Variants in AAMDC observed in about 807,000 individuals in gnomAD.
AAMDC encodes mth938 domain-containing protein.
A neutral mutation model predicts 15.5 loss-of-function variants in AAMDC; 16 were observed. The ratio of observed to expected loss-of-function variants is 1.03; its 90% CI spans 0.70 to 1.57. The LOEUF (loss-of-function observed/expected upper bound fraction) is 1.57, where lower values mean the gene tolerates loss of function less well. Among genes scored for constraint, AAMDC ranks in the 40% most tolerant of loss-of-function variants. AAMDC has a pLI of 0.00. For synonymous variants in AAMDC, 51 were observed against 51.6 expected, an observed-to-expected ratio of 0.99 and a Z score of 0.05; for missense variants, 141 against 144.9, an observed-to-expected ratio of 0.97 and a Z score of 0.14.
chr11:77,844,159 G>C (rs1275876348), intron 2 of AAMDC, among the ~76,000 whole-genome samples: 1 of 152,162 alleles, frequency 6.6e-6, no homozygotes, highest in Non-Finnish European at 1.5e-5. Context: ...TCCTTACATA[G>C]TGGAAAGAGA....
At chr11:77,851,786 G>T (rs2136194476) in intron 2 of AAMDC, among the ~76,000 whole-genome samples, 1 of 152,214 alleles carries the variant, frequency 6.6e-6, no homozygotes, top group African/African-American at 2.4e-5. Context: ...GCAGATGCTG[G>T]TATCATGCTT....
chr11:77,855,771 G>A (rs1260696388), intron 2 of AAMDC, among the ~76,000 whole-genome samples: 1 of 138,842 alleles, frequency 7.2e-6, no homozygotes, highest in East Asian at 2.2e-4. Context: ...GCTAGAGGCA[G>A]CCAGACCATG....
rs200042303 is a variant in AAMDC, at chr11:77,842,596, C to T, written c.100C>T (p.Arg34Trp). 3.5e-5 allele frequency: 56 copies of T among 1,613,700 alleles called. No individual in the cohort carries two copies. Among genetic ancestry groups the T allele is most frequent in the Admixed American group, 1.7e-4 (10 of 59,944 alleles). Residue 34 changes from arginine (R) to tryptophan (W), a missense_variant, in exon 2 of 4, where the codon CGG (arginine) becomes TGG (tryptophan). Physicochemically the swap from Arg to Trp is moderately radical, Grantham distance 101 (BLOSUM62 -3). Coordinates refer to ENST00000393427, the MANE Select transcript of AAMDC (RefSeq NM_024684.4). Reference sequence around the variant, plus strand: ...CTGCAAAGTATGGCCAGGGGGTAGTCGGACTTGGGATTGGAGAGAAACAGG... The same window carrying T: ...CTGCAAAGTATGGCCAGGGGGTAGTTGGACTTGGGATTGGAGAGAAACAGG... The part of the protein sequence containing the change: ...KDCKVWPGGS[R>W]TWDWRETGTE...
At chr11:77,826,488 A>T (rs986963061) in intron 1 of AAMDC, among the ~76,000 whole-genome samples, 1 of 152,204 alleles carries the variant, frequency 6.6e-6, no homozygotes, top group Admixed American at 6.5e-5. Context: ...TTGACATCCT[A>T]TACAGCAAGG....
At chr11:77,832,189 G>A (rs948855631) in intron 1 of AAMDC, among the ~76,000 whole-genome samples, 35 of 152,058 alleles carry the variant, frequency 2.3e-4, no homozygotes, top group African/African-American at 8.0e-4. Context: ...ATAGTTAACT[G>A]TACTTACAAT....
At chr11:77,839,760 G>A (rs1246159649) in intron 1 of AAMDC, among the ~76,000 whole-genome samples, 1 of 152,054 alleles carries the variant, frequency 6.6e-6, no homozygotes, top group East Asian at 1.9e-4. Context: ...ATAAGTGGGT[G>A]CTGAACAATG....
chr11:77,872,280 G>A lies in AAMDC; in HGVS notation c.334G>A (p.Val112Ile). ...KEYNALVAQG[V>I]RVGGVFHSTC ...GTATAATGCCTTGGTTGCCCAAGGGGTCAGGGTGGGAGGTGTCTTCCATTC... is the reference window on the plus strand; with the variant it reads ...GTATAATGCCTTGGTTGCCCAAGGGATCAGGGTGGGAGGTGTCTTCCATTC... Residue 112 changes from valine to isoleucine, a missense_variant, in exon 4 of 4, where the codon GTC (valine) becomes ATC (isoleucine). By Grantham distance (29) the Val-to-Ile change is conservative (BLOSUM62 3). Coordinates refer to ENST00000393427, the MANE Select transcript of AAMDC (RefSeq NM_024684.4). 2 of 1,613,604 alleles carry A rather than the reference G, an allele frequency of 1.2e-6. No individual in the cohort carries two copies. The highest frequency in any genetic ancestry group is 4.5e-5 in the East Asian group (2 of 44,828).
chr11:77,889,808 G>A (rs2136386753), intron 5 of AAMDC, among the ~76,000 whole-genome samples: 1 of 152,278 alleles, frequency 6.6e-6, no homozygotes. Context: ...CTACCTATAA[G>A]GTATCTAAAA....
chr11:77,880,176 T>C (rs1356819543), intron 5 of AAMDC, among the ~76,000 whole-genome samples: 1 of 152,112 alleles, frequency 6.6e-6, no homozygotes, highest in African/African-American at 2.4e-5. Flanking sequence ...TTGAAGATGA[T>C]CCCAAGGCTA....
intron 2 of AAMDC, among the ~76,000 whole-genome samples, chr11:77,853,845 G>T (rs1950498182): frequency 6.6e-6 from 1 of 151,928 alleles, no homozygotes; most frequent in African/African-American, 2.4e-5. Flanking sequence ...GTAGGCTGAG[G>T]CAGGAGAATT....
At position 77,897,381 on chromosome 11, in the gene AAMDC, A is replaced by G. The variant is rs1329029622; in HGVS notation, c.329-3190A>G. 2.6e-5 allele frequency among the ~76,000 whole-genome samples: 4 copies of G among 151,598 alleles called. No individual in the cohort carries two copies. In the East Asian group the frequency reaches 7.7e-4, roughly 29 times the overall value. On this transcript the variant is annotated intron_variant, in intron 5 of 5. Coordinates refer to the AAMDC transcript ENST00000304716. ...ATAAAAAAATTAAAAATAAAAATAA[A>G]GAAGGATATACAAGGATTATGTACT...
At chr11:77,863,804 T>G (rs1045034288) in intron 2 of AAMDC, among the ~76,000 whole-genome samples, 1 of 151,980 alleles carries the variant, frequency 6.6e-6, no homozygotes, top group African/African-American at 2.4e-5. Context: ...TGTGAGCCTC[T>G]CTGCCTACCC....
chr11:77,904,077 T>G (rs1221819756), downstream of AAMDC, among the ~76,000 whole-genome samples: 2 of 152,204 alleles, frequency 1.3e-5, no homozygotes, highest in Admixed American at 1.3e-4. Context: ...CAACTAGAAA[T>G]CAAGCAGCTT....
At chr11:77,877,004 C>T (rs576390411), downstream of AAMDC, 2 of 703,248 alleles carry the variant, frequency 2.8e-6, no homozygotes, top group South Asian at 3.0e-5. Flanking sequence ...GGTACAATTC[C>T]ACCTGGCTAC....
Position 77,845,678 on chromosome 11 carries a change from C to T in AAMDC, c.132+3050C>T, listed in dbSNP as rs186323935. On this transcript the variant is annotated intron_variant, in intron 2 of 3. Coordinates refer to ENST00000393427, the MANE Select transcript of AAMDC (RefSeq NM_024684.4). ...TTCCTGACCTCAAGTGATCCACCCA[C>T]CTCGGCCTCCCAAAGTGCTGGGTTT... Among the ~76,000 whole-genome samples the T allele has an allele frequency of 1.4e-3, 207 of 152,304 alleles. 1 individual carries two copies. The highest frequency in any genetic ancestry group is 3.3e-3 in the African/African-American group (138 of 41,564).
intron 2 of AAMDC, among the ~76,000 whole-genome samples, chr11:77,849,216 T>A (rs1354064608): frequency 2.0e-5 from 3 of 151,834 alleles, no homozygotes; most frequent in Admixed American, 6.6e-5. Flanking sequence ...TTTTATTTTT[T>A]ATTTTTATTT....
Position 77,869,729 on chromosome 11 carries a change from C to G in AAMDC, c.140C>G (p.Pro47Arg), listed in dbSNP as rs778154745. ...DWRETGTEHSPGVQPADVKEV... is the reference protein window; with the variant it reads ...DWRETGTEHSRGVQPADVKEV... ...TTCTCTTTCCACATCCAGCATTCTC[C>G]TGGTGTGCAGCCTGCAGATGTGAAG... The change falls in exon 3 of 4, where the codon CCT becomes CGT. Residue 47 changes from proline (P) to arginine (R), a missense_variant. By Grantham distance (103) the Pro-to-Arg change is moderately radical (BLOSUM62 -2). Coordinates refer to ENST00000393427, the MANE Select transcript of AAMDC (RefSeq NM_024684.4). 1 of 1,613,848 alleles carries G rather than the reference C, an allele frequency of 6.2e-7. No individual in the cohort carries two copies. The highest frequency in any genetic ancestry group is 2.2e-5 in the East Asian group (1 of 44,880).
chr11:77,822,564 TTTC>T (rs1190295848), intron 1 of AAMDC, among the ~76,000 whole-genome samples: 1 of 152,148 alleles, frequency 6.6e-6, no homozygotes, highest in Non-Finnish European at 1.5e-5. Flanking sequence ...ACCGAATTTT[TTTC>T]TTCATTTCCA....
intron 5 of AAMDC, among the ~76,000 whole-genome samples, chr11:77,879,923 G>A (rs988920098): frequency 2.0e-5 from 3 of 152,166 alleles, no homozygotes; most frequent in Non-Finnish European, 4.4e-5. Context: ...AAGAAAGACT[G>A]TCACAATCTT....
Sources: gnomAD v4.1 joint callset for allele counts (sites outside exome capture counted in the v4.1 genomes callset) on GRCh38, gnomAD v4.1.1 for gene constraint, MANE v1.5 for transcripts, NCBI Gene and HGNC (gene_info 2026-07-23, HGNC 2026-07-21) for gene names.